The following SH3YL1 variants were observed in gnomAD, a reference collection of about 807,000 sequenced individuals.
SH3YL1 encodes the protein SH3 and SYLF domain containing 1.
A neutral mutation model predicts 45.8 loss-of-function variants in SH3YL1; 41 were observed. The ratio of observed to expected loss-of-function variants is 0.89; its 90% CI spans 0.70 to 1.16. SH3YL1 has a LOEUF of 1.16. SH3YL1 is among the 50% of genes most tolerant of loss of function. The pLI is 0.00. For missense variants in SH3YL1, 389 were observed against 409.6 expected, an observed-to-expected ratio of 0.95 and a Z score of 0.43; for synonymous variants, 152 against 151.4, an observed-to-expected ratio of 1.00 and a Z score of -0.03.
intron 2 of SH3YL1, among the ~76,000 whole-genome samples, chr2:252,628 ATTATT>A (rs1418683466): frequency 6.6e-6 from 1 of 152,156 alleles, no homozygotes; most frequent in Non-Finnish European, 1.5e-5. Context: ...AATTAATATC[ATTATT>A]TTATCATTAT....
intron 4 of SH3YL1, chr2:244,633 C>T (rs996852332): frequency 6.6e-6 from 1 of 152,122 alleles, no homozygotes; most frequent in African/African-American, 2.4e-5. Flanking sequence ...TAACCGATTA[C>T]GTGTGTGCCA....
chr2:225,996 C>A (rs1558233956), intron 8 of SH3YL1, among the ~76,000 whole-genome samples: 1 of 152,066 alleles, frequency 6.6e-6, no homozygotes, highest in Non-Finnish European at 1.5e-5. Flanking sequence ...GTACATCATA[C>A]TGTTTCAACT....
chr2:254,812 C>T (rs888513199), intron 1 of SH3YL1, among the ~76,000 whole-genome samples: 2 of 152,214 alleles, frequency 1.3e-5, no homozygotes, highest in African/African-American at 2.4e-5. Context: ...GAGACAAATG[C>T]ATATCTGATT....
At position 233,203 on chromosome 2, in the gene SH3YL1, C is replaced by T. The variant is rs769224795; in HGVS notation, c.431G>A (p.Arg144Lys). Residue 144 changes from arginine to lysine, a missense_variant, in exon 6 of 10, where the codon AGA becomes AAA. By Grantham distance (26) the Arg-to-Lys change is conservative. Transcript: ENST00000356150. ...GTACGTGAAGACGGCAGCGGAGCTT[C>T]TCAGGGCCACGTTTCCTTCCAAGTT... ...GRNLEGNVALRSSAAVFTYCK... is the reference protein window; with the variant it reads ...GRNLEGNVALKSSAAVFTYCK... 2 of 1,582,950 alleles carry T rather than the reference C, an allele frequency of 1.3e-6. No individual in the cohort carries two copies. The highest frequency in any genetic ancestry group is 1.7e-6 in the Non-Finnish European group (2 of 1,163,040).
chr2:261,838 ATAT>A (rs1310390007), intron 1 of SH3YL1, among the ~76,000 whole-genome samples: 3 of 152,168 alleles, frequency 2.0e-5, no homozygotes, highest in Non-Finnish European at 4.4e-5. Flanking sequence ...TGCTTCCCTT[ATAT>A]TATTTTCTTC....
chr2:245,870 AAAAAAT>A (rs1217755580), intron 4 of SH3YL1, among the ~76,000 whole-genome samples: 18 of 152,138 alleles, frequency 1.2e-4, no homozygotes, highest in African/African-American at 4.1e-4. Flanking sequence ...CACAACTAAA[AAAAAAT>A]AAAAATAAAA....
chr2:236,961 TTGCCAAC>T (rs1451362140), intron 4 of SH3YL1, among the ~76,000 whole-genome samples: 2 of 152,236 alleles, frequency 1.3e-5, no homozygotes, highest in Admixed American at 1.3e-4. Flanking sequence ...AGCTTGACGC[TTGCCAAC>T]TGTTCATTTT....
At chr2:257,507 T>C (rs556998017) in intron 1 of SH3YL1, among the ~76,000 whole-genome samples, 7 of 152,336 alleles carry the variant, frequency 4.6e-5, no homozygotes, top group South Asian at 4.1e-4. Context: ...TCTGTAACAA[T>C]AGCTCAGTCT....
At chr2:263,741 T>A in intron 1 of SH3YL1, 2 of 467,834 alleles carry the variant, frequency 4.3e-6, no homozygotes, top group Non-Finnish European at 7.6e-6. Context: ...TCGTCATCAT[T>A]CCAAACTTCG....
intron 1 of SH3YL1, chr2:259,278 T>G (rs1400430518): frequency 1.3e-5 from 2 of 152,238 alleles, no homozygotes; most frequent in Admixed American, 1.3e-4. Context: ...TGATGAGCAA[T>G]GCTGACCACA....
intron 4 of SH3YL1, among the ~76,000 whole-genome samples, chr2:247,245 C>A (rs1480300135): frequency 5.9e-5 from 9 of 152,152 alleles, no homozygotes; most frequent in Non-Finnish European, 7.3e-5. Flanking sequence ...CCATAAACTG[C>A]CAATGACAGC....
At chr2:222,413 G>A (rs1402518562) in intron 9 of SH3YL1, 1 of 152,450 alleles carries the variant, frequency 6.6e-6, no homozygotes, top group Non-Finnish European at 1.5e-5. Flanking sequence ...ACAGCCTTGG[G>A]AAGGTCACAA....
intron 2 of SH3YL1, among the ~76,000 whole-genome samples, chr2:250,256 T>G (rs954494950): frequency 3.3e-5 from 5 of 152,174 alleles, no homozygotes; most frequent in African/African-American, 9.6e-5. Flanking sequence ...CTTTAAAAAT[T>G]ACAAAAAGGC....
chr2:240,022 C>T (rs1023194547), intron 4 of SH3YL1: 1 of 152,294 alleles, frequency 6.6e-6, no homozygotes, highest in Admixed American at 6.5e-5. Flanking sequence ...AGTATATCCA[C>T]AGGAGAGGCT....
At chr2:259,446 TTC>T (rs1333458342) in intron 1 of SH3YL1, 25 of 152,166 alleles carry the variant, frequency 1.6e-4, no homozygotes, top group Non-Finnish European at 3.5e-4. Flanking sequence ...TTGCTTTTTT[TTC>T]TGTTTTTTCT....
chr2:234,410 C>T (rs774018617), intron 4 of SH3YL1, 138 bp from the exon 5 acceptor site: 69 of 610,806 alleles, frequency 1.1e-4, no homozygotes, highest in Non-Finnish European at 1.4e-4. Context: ...GAGACAAGAG[C>T]CATATTTTTA....
In SH3YL1 at chr2:231,288, C is replaced by T. The variant is rs143230968; in HGVS notation, c.534-97G>A. 8.6e-4 allele frequency: 749 copies of T among 874,320 alleles called. 6 individuals are homozygous for T. Among genetic ancestry groups the T allele is most frequent in the Non-Finnish European group, 1.1e-3 (659 of 577,534 alleles). 54.2% of individuals were successfully genotyped at this position (874,320 alleles called of 1,614,324 possible). On this transcript the variant is annotated intron_variant, in intron 6 of 9. Transcript: ENST00000356150. ...CGCACACACGGTGTGTATATATAAT[C>T]ATTCATACATAGCACTTCATATACA...
At position 249,927 on chromosome 2, in the gene SH3YL1, G is replaced by A. The variant is rs191752169; in HGVS notation, c.113-83C>T. 999 of 925,966 alleles carry A rather than the reference G, an allele frequency of 1.1e-3. 1 individual carries two copies. Among genetic ancestry groups the A allele is most frequent in the Non-Finnish European group, 1.5e-3 (890 of 590,038 alleles). 57.4% of individuals were successfully genotyped at this position (925,966 alleles called of 1,614,324 possible). On this transcript the variant is annotated intron_variant, in intron 2 of 9. Transcript: ENST00000356150. Reference sequence around the variant, plus strand: ...CGAGCAAGTGTTAAACAGAGTCAGTGTACACAGAGGTTATCTCTAGGAATT... The same window carrying A: ...CGAGCAAGTGTTAAACAGAGTCAGTATACACAGAGGTTATCTCTAGGAATT...
chr2:228,939 T>A (rs1476227424), intron 8 of SH3YL1, among the ~76,000 whole-genome samples: 1 of 152,208 alleles, frequency 6.6e-6, no homozygotes, highest in Non-Finnish European at 1.5e-5. Flanking sequence ...CCCGCAAAAC[T>A]TATATGCCTT....
Sources: gnomAD v4.1 joint callset for allele counts (sites outside exome capture counted in the v4.1 genomes callset) on GRCh38, gnomAD v4.1.1 for gene constraint, MANE v1.5 for transcripts, NCBI Gene and HGNC (gene_info 2026-07-23, HGNC 2026-07-21) for gene names.